The following NDST3 variants were observed in gnomAD, a reference collection of about 807,000 sequenced individuals.
NDST3 encodes N-deacetylase and N-sulfotransferase 3.
Under a neutral mutation model 96.1 loss-of-function variants are expected in NDST3, and 58 were observed. The observed-to-expected ratio is 0.60, with a 90% CI of 0.49 to 0.75. The LOEUF is 0.75. NDST3 is among the 30% of genes least tolerant of loss of function. The pLI is 0.00. For missense variants in NDST3, 788 were observed against 1,034.2 expected (o/e 0.76, Z 3.27); for synonymous variants, 333 against 359.7 (o/e 0.93, Z 0.84).
rs1730945153 is a variant in NDST3 at position 118,114,868 on chromosome 4, T to A, written c.1132T>A (p.Phe378Ile). 1 of 1,613,974 alleles carries A rather than the reference T, an allele frequency of 6.2e-7. No homozygotes were observed. The highest frequency in any genetic ancestry group is 8.5e-7 in the Non-Finnish European group (1 of 1,179,986). Residue 378 changes from phenylalanine (F) to isoleucine (I), a missense_variant, in exon 4 of 14, where the codon TTT becomes ATT. Phe to Ile is a conservative substitution (Grantham distance 21, BLOSUM62 0). Coordinates refer to ENST00000296499, the MANE Select transcript of NDST3 (RefSeq NM_004784.3). The stretch of plus-strand genomic sequence containing the variant: ...GGGGTCTGTGGATGAGTTCTGGTGG[T>A]TTCCTCACATGTGGAGCCATATGCA... ...LLGSVDEFWW[F>I]PHMWSHMQPH...
At chr4:118,074,252 G>C (rs1206332485) in intron 2 of NDST3, among the ~76,000 whole-genome samples, 1 of 152,086 alleles carries the variant, frequency 6.6e-6, no homozygotes, top group Non-Finnish European at 1.5e-5. Context: ...ATGTTCTGTT[G>C]GTTTTGGGTG....
chr4:118,226,102 T>C (rs1036071456), intron 7 of NDST3, among the ~76,000 whole-genome samples: 8 of 152,152 alleles, frequency 5.3e-5, no homozygotes, highest in Admixed American at 1.3e-4. Context: ...ATACCTATGG[T>C]ATTAATTGAC....
At chr4:118,072,100 G>A (rs908349329) in intron 2 of NDST3, among the ~76,000 whole-genome samples, 4 of 152,028 alleles carry the variant, frequency 2.6e-5, no homozygotes, top group Non-Finnish European at 5.9e-5. Context: ...GTCTGTTTTA[G>A]TACCAATACC....
chr4:118,152,218 G>A (rs991945646), intron 6 of NDST3, among the ~76,000 whole-genome samples: 3 of 152,126 alleles, frequency 2.0e-5, no homozygotes, highest in Non-Finnish European at 4.4e-5. Context: ...ATTATGTATC[G>A]TTGTGTTCTG....
rs1409952716 is a variant in NDST3 at position 118,188,254 on chromosome 4, G to A, written c.1540-36237G>A. ...TAAACTATTTTAGCAATTTAGGACA[G>A]TTACACCACCTATAAATATCATTAA... On this transcript the variant is annotated intron_variant, in intron 6 of 13. Coordinates refer to ENST00000296499, the MANE Select transcript of NDST3 (RefSeq NM_004784.3). Among the ~76,000 whole-genome samples the A allele has an allele frequency of 2.0e-5, 3 of 149,030 alleles. No individual in the cohort carries two copies. The East Asian group carries it at 5.9e-4, about 29-fold the overall frequency.
intron 1 of NDST3, among the ~76,000 whole-genome samples, chr4:118,039,268 A>C (rs1008001034): frequency 6.6e-6 from 1 of 152,200 alleles, no homozygotes; most frequent in African/African-American, 2.4e-5. Flanking sequence ...GGTCACTGCT[A>C]TTCACAATGT....
At chr4:118,235,045 A>AAGG (rs370213859) in intron 9 of NDST3, among the ~76,000 whole-genome samples, 8 of 16,742 alleles carry the variant, frequency 4.8e-4, no homozygotes, top group South Asian at 6.2e-3. Context: ...AAAGAAAAAA[A>AAGG]AAGGAAGGAA....
chr4:118,249,731 T>C (rs1017114948), intron 12 of NDST3, among the ~76,000 whole-genome samples: 6 of 145,490 alleles, frequency 4.1e-5, no homozygotes, highest in Admixed American at 1.4e-4. Flanking sequence ...CAGCCCCACA[T>C]ACACACACAC....
chr4:118,108,601 T>G (rs1378487425), intron 3 of NDST3, among the ~76,000 whole-genome samples: 1 of 152,222 alleles, frequency 6.6e-6, no homozygotes, highest in Admixed American at 6.5e-5. Context: ...ATAGTAATTT[T>G]ATTTTTAGAT....
Position 118,034,560 on chromosome 4 carries a change from T to A in NDST3, c.-188T>A, listed in dbSNP as rs1476107011. 1 of 152,214 alleles carries A rather than the reference T, an allele frequency of 6.6e-6. No homozygotes were observed. The highest frequency in any genetic ancestry group is 1.5e-5 in the Non-Finnish European group (1 of 68,036). 9.4% of individuals were successfully genotyped at this position (152,214 alleles called of 1,614,324 possible). ...TTCTTTTCCATCTATTGCAACTTTC[T>A]CAAGCATTTTCAGCTCTGAACTTTA... On this transcript the variant is annotated 5_prime_UTR_variant, in exon 1 of 14. Transcript: ENST00000296499.
At chr4:118,112,264 C>T (rs1179560252) in intron 3 of NDST3, among the ~76,000 whole-genome samples, 2 of 152,152 alleles carry the variant, frequency 1.3e-5, no homozygotes, top group Non-Finnish European at 2.9e-5. Flanking sequence ...AGATCTGCTG[C>T]TCTGTTCTGA....
At chr4:118,200,540 C>T (rs1608506) in intron 6 of NDST3, among the ~76,000 whole-genome samples, 9,297 of 152,280 alleles carry the variant, frequency 0.061, 385 homozygotes, top group Non-Finnish European at 0.092. Context: ...TGGTTTTCTA[C>T]CCAGCTGTAG....
At chr4:118,177,119 T>C (rs1308726838) in intron 6 of NDST3, among the ~76,000 whole-genome samples, 1 of 151,902 alleles carries the variant, frequency 6.6e-6, no homozygotes, top group African/African-American at 2.4e-5. Context: ...AAATATCAAA[T>C]TTCTTAACTA....
chr4:118,098,253 G>T (rs1485851756), intron 2 of NDST3, among the ~76,000 whole-genome samples: 2 of 151,664 alleles, frequency 1.3e-5, no homozygotes, highest in Non-Finnish European at 2.9e-5. Context: ...TTAAATTAAG[G>T]TATTAAAATT....
intron 6 of NDST3, among the ~76,000 whole-genome samples, chr4:118,164,971 A>G (rs1226516692): frequency 6.6e-6 from 1 of 152,172 alleles, no homozygotes; most frequent in South Asian, 2.1e-4. Flanking sequence ...GCCTATCACT[A>G]TACAAAAATC....
intron 2 of NDST3, among the ~76,000 whole-genome samples, chr4:118,072,955 G>A (rs1472200836): frequency 3.9e-5 from 6 of 151,938 alleles, no homozygotes; most frequent in Non-Finnish European, 8.8e-5. Flanking sequence ...GAATTTTATC[G>A]AAAGCTTTTC....
intron 2 of NDST3, among the ~76,000 whole-genome samples, chr4:118,077,201 T>C (rs759189954): frequency 1.3e-5 from 2 of 152,038 alleles, no homozygotes; most frequent in Non-Finnish European, 2.9e-5. Context: ...CACACTCTGA[T>C]GGGGGGGTGC....
intron 6 of NDST3, among the ~76,000 whole-genome samples, chr4:118,187,721 A>T (rs1455617563): frequency 2.6e-5 from 4 of 152,230 alleles, no homozygotes; most frequent in African/African-American, 9.6e-5. Flanking sequence ...TTCTTGATCC[A>T]TGATCTTGGG....
chr4:118,048,892 A>G (rs780497721), intron 1 of NDST3, among the ~76,000 whole-genome samples: 1 of 152,174 alleles, frequency 6.6e-6, no homozygotes, highest in African/African-American at 2.4e-5. Context: ...ATATCTACAG[A>G]ACTAGTCCAC....
Sources: gnomAD v4.1 joint callset for allele counts (sites outside exome capture counted in the v4.1 genomes callset) on GRCh38, gnomAD v4.1.1 for gene constraint, MANE v1.5 for transcripts, NCBI Gene and HGNC (gene_info 2026-07-23, HGNC 2026-07-21) for gene names.